AP3B1: variants seen among roughly 807,000 people sequenced by gnomAD.
AP3B1 encodes AP-3 complex subunit beta-1.
Under a neutral mutation model 132.5 loss-of-function variants are expected in AP3B1, and 61 were observed. That is an observed-to-expected ratio of 0.46 (90% CI 0.37 to 0.57). AP3B1 has a LOEUF of 0.57. Among genes scored for constraint, AP3B1 ranks in the 20% least tolerant of loss-of-function variants. The pLI is 0.00. For missense variants in AP3B1, 1,120 were observed against 1,289.4 expected, an observed-to-expected ratio of 0.87 and a Z score of 2.01; for synonymous variants, 388 against 438.3, an observed-to-expected ratio of 0.89 and a Z score of 1.43.
At chr5:78,244,975 C>T (rs958870143) in intron 2 of AP3B1, among the ~76,000 whole-genome samples, 1 of 151,588 alleles carries the variant, frequency 6.6e-6, no homozygotes, top group Non-Finnish European at 1.5e-5. Flanking sequence ...AGCGTGGTGA[C>T]AGAGCAAGAC....
chr5:78,153,856 T>G (rs1180811742), intron 14 of AP3B1, among the ~76,000 whole-genome samples: 1 of 152,194 alleles, frequency 6.6e-6, no homozygotes, highest in East Asian at 1.9e-4. Flanking sequence ...AGTTCTACCC[T>G]GCTTTTTCAC....
At chr5:78,215,208 CTTT>C (rs959445908) in intron 7 of AP3B1, among the ~76,000 whole-genome samples, 3 of 142,874 alleles carry the variant, frequency 2.1e-5, no homozygotes, top group African/African-American at 5.1e-5. Flanking sequence ...TTTTAAAAAT[CTTT>C]TTTTTTTTTA....
intron 22 of AP3B1, among the ~76,000 whole-genome samples, chr5:78,075,728 C>A (rs1749739875): frequency 6.6e-6 from 1 of 152,206 alleles, no homozygotes; most frequent in Non-Finnish European, 1.5e-5. Flanking sequence ...TATCCTTCGG[C>A]CTATAAATCC....
At chr5:78,124,175 A>G in intron 17 of AP3B1, among the ~76,000 whole-genome samples, 1 of 152,142 alleles carries the variant, frequency 6.6e-6, no homozygotes, top group Non-Finnish European at 1.5e-5. Context: ...AGGAAGGGGA[A>G]CATCACACTC....
At chr5:78,270,522 T>C (rs114449547) in intron 1 of AP3B1, among the ~76,000 whole-genome samples, 1,529 of 152,288 alleles carry the variant, frequency 0.01, 25 homozygotes, top group African/African-American at 0.034. Flanking sequence ...TGGACCTTTA[T>C]GGAGCCCTAC....
chr5:78,107,207 G>C (rs1751376610), intron 20 of AP3B1, among the ~76,000 whole-genome samples: 1 of 152,122 alleles, frequency 6.6e-6, no homozygotes. Flanking sequence ...AAGAACAAAA[G>C]GGATGCAGAG....
rs1462106235 is a variant in AP3B1 at position 78,177,387 on chromosome 5, T to C, written c.992A>G (p.Glu331Gly). The change falls in exon 9 of 27, where the codon GAA (glutamate) becomes GGA (glycine). Residue 331 changes from glutamate to glycine, a missense_variant. By Grantham distance (98) the Glu-to-Gly change is moderately conservative. Coordinates refer to ENST00000255194, the MANE Select transcript of AP3B1 (RefSeq NM_003664.5). ...QLYWHISPKS[E>G]AGIISKSLVR... ...TAGTGATTTAGAAATTATGCCAGCTTCAGATTTTGGTGATATGTGCCAATA... is the reference window on the plus strand; with the variant it reads ...TAGTGATTTAGAAATTATGCCAGCTCCAGATTTTGGTGATATGTGCCAATA... 1 of 1,614,004 alleles carries C rather than the reference T, an allele frequency of 6.2e-7. No individual in the cohort carries two copies. The highest frequency in any genetic ancestry group is 1.3e-5 in the African/African-American group (1 of 75,022).
intron 2 of AP3B1, among the ~76,000 whole-genome samples, chr5:78,242,762 T>C (rs2112521856): frequency 6.6e-6 from 1 of 152,328 alleles, no homozygotes; most frequent in East Asian, 1.9e-4. Flanking sequence ...TGCACTATTT[T>C]ACATTTCTAT....
intron 12 of AP3B1, 59 bp from the exon 13 acceptor site, chr5:78,163,010 C>G: frequency 6.6e-7 from 1 of 1,509,840 alleles, no homozygotes; most frequent in South Asian, 1.1e-5. Flanking sequence ...ACCAAAACTC[C>G]GATTATATTA....
rs11291862 is a variant in AP3B1, at chr5:78,051,994, AC to A, written c.2578-12721del. 4.3e-3 allele frequency among the ~76,000 whole-genome samples: 655 copies of A among 151,562 alleles called. 5 individuals are homozygous for A. Among genetic ancestry groups the A allele is most frequent in the African/African-American group, 0.015 (621 of 40,866 alleles). ...ATCCATTTCATTGAGGCTAGCATTA[AC>A]CTAGTATTGACCTAGAATAGGATTT... On this transcript the variant is annotated intron_variant, in intron 22 of 26. Coordinates refer to ENST00000255194, the MANE Select transcript of AP3B1 (RefSeq NM_003664.5).
chr5:78,255,951 CA>C (rs1161559888), intron 2 of AP3B1, among the ~76,000 whole-genome samples: 8 of 152,100 alleles, frequency 5.3e-5, no homozygotes, highest in African/African-American at 1.9e-4. Flanking sequence ...GGAAACTATA[CA>C]AACACATGGA....
intron 22 of AP3B1, among the ~76,000 whole-genome samples, chr5:78,064,045 T>G (rs1749173427): frequency 6.7e-6 from 1 of 149,434 alleles, no homozygotes; most frequent in African/African-American, 2.5e-5. Flanking sequence ...GAGGGAAAGA[T>G]CAATTACAAT....
intron 22 of AP3B1, among the ~76,000 whole-genome samples, chr5:78,048,255 T>G (rs767935745): frequency 1.3e-5 from 2 of 152,342 alleles, no homozygotes; most frequent in East Asian, 1.9e-4. Context: ...CCAATGACAA[T>G]GCAGAATAAG....
chr5:78,130,610 T>G (rs564574923), intron 15 of AP3B1, among the ~76,000 whole-genome samples: 1 of 152,144 alleles, frequency 6.6e-6, no homozygotes, highest in South Asian at 2.1e-4. Context: ...GGTAAGAAAA[T>G]TTCTATGATT....
At chr5:78,076,993 T>C (rs1749794002) in intron 22 of AP3B1, among the ~76,000 whole-genome samples, 1 of 152,178 alleles carries the variant, frequency 6.6e-6, no homozygotes, top group African/African-American at 2.4e-5. Flanking sequence ...ATTACTGAAC[T>C]AGAGAGTGGT....
intron 14 of AP3B1, among the ~76,000 whole-genome samples, chr5:78,151,033 T>A (rs560803948): frequency 2.0e-5 from 3 of 152,202 alleles, no homozygotes; most frequent in Admixed American, 6.5e-5. Context: ...ATTCTCCTGC[T>A]TCAGCCTCCC....
chr5:78,142,784 T>C (rs1005131854), intron 14 of AP3B1, among the ~76,000 whole-genome samples: 12 of 152,170 alleles, frequency 7.9e-5, no homozygotes, highest in Non-Finnish European at 1.5e-4. Flanking sequence ...GAAATCCATA[T>C]ACTTGTGCAA....
intron 2 of AP3B1, among the ~76,000 whole-genome samples, chr5:78,252,015 G>T (rs1258726800): frequency 1.3e-5 from 2 of 152,068 alleles, no homozygotes; most frequent in Non-Finnish European, 2.9e-5. Flanking sequence ...TAGGGCACCG[G>T]TCAGAGTCAT....
chr5:78,220,864 C>T (rs1461932311), intron 6 of AP3B1, among the ~76,000 whole-genome samples: 1 of 152,030 alleles, frequency 6.6e-6, no homozygotes, highest in Non-Finnish European at 1.5e-5. Context: ...CTGGGCAACA[C>T]AGTGGGACCC....
Sources: allele counts gnomAD v4.1 joint callset (sites outside exome capture counted in the v4.1 genomes callset), GRCh38; gene constraint gnomAD v4.1.1; transcripts MANE v1.5; gene names NCBI Gene and HGNC (gene_info 2026-07-23, HGNC 2026-07-21).